The following CDH23 variants were observed in gnomAD, a reference collection of about 807,000 sequenced individuals.
CDH23 encodes cadherin related 23.
Under a neutral mutation model 317.1 loss-of-function variants are expected in CDH23, and 189 were observed. That is an observed-to-expected ratio of 0.60 (90% CI 0.53 to 0.67). CDH23 has a LOEUF of 0.67. CDH23 is among the 30% of genes least tolerant of loss of function. The probability of loss-of-function intolerance (pLI) is 0.00; values close to 1 mark genes in which losing one functional copy is unlikely to be tolerated. For missense variants in CDH23, 4,401 were observed against 4,592.4 expected (o/e 0.96, Z 1.20); for synonymous variants, 1,839 against 1,876.8 (o/e 0.98, Z 0.52).
chr10:71,611,242 G>T (rs1003080663), intron 9 of CDH23, among the ~76,000 whole-genome samples: 2 of 152,228 alleles, frequency 1.3e-5, no homozygotes, highest in African/African-American at 4.8e-5. Context: ...GCGAGGCAGG[G>T]ATGTGGAGTT....
At chr10:71,597,778 T>C (rs1859955827) in intron 9 of CDH23, among the ~76,000 whole-genome samples, 1 of 152,184 alleles carries the variant, frequency 6.6e-6, no homozygotes, top group South Asian at 2.1e-4. Context: ...AATTCATAAA[T>C]ATTTATCAGG....
At position 71,427,221 on chromosome 10, in the gene CDH23, GAA is replaced by G. The variant is rs1168119102; in HGVS notation, c.-5-12604_-5-12603del. On this transcript the variant is annotated intron_variant, in intron 1 of 69. Transcript: ENST00000224721. ...AGAAAGAAAGAAAGAAAGAAAGAAA[GAA>G]AGAAAGAAAGAAAGAAAGAAAGGGA... Among the ~76,000 whole-genome samples, 15 of 72,204 alleles carry G rather than the reference GAA, an allele frequency of 2.1e-4. 2 individuals carry two copies. Among genetic ancestry groups the G allele is most frequent in the Admixed American group, 5.3e-4 (4 of 7,512 alleles). The allele number at this position is 72,204 out of a possible 152,430, so 47.4% of individuals were successfully genotyped here.
At chr10:71,755,497 GC>G in intron 38 of CDH23, 2 of 1,578,090 alleles carry the variant, frequency 1.3e-6, no homozygotes. Flanking sequence ...CCAAGGTGAA[GC>G]CCCATTCCCA....
At position 71,803,344 on chromosome 10, in the gene CDH23, TGGA is replaced by T. The variant is rs1564802305; in HGVS notation, c.7799_7801del (p.Glu2600del). 1 of 1,597,858 alleles carries T rather than the reference TGGA, an allele frequency of 6.3e-7. No homozygotes were observed. The highest frequency in any genetic ancestry group is 8.5e-7 in the Non-Finnish European group (1 of 1,172,562). The stretch of plus-strand genomic sequence containing the variant: ...CTCTGGGGCACCACCATGCTCCTGG[TGGA>T]GGTCATCGACGTCAATGACAACCGC... On this transcript the variant is annotated inframe_deletion, in exon 55 of 70. Transcript: ENST00000224721.
At chr10:71,673,208 G>A (rs1864219453) in intron 14 of CDH23, among the ~76,000 whole-genome samples, 1 of 152,192 alleles carries the variant, frequency 6.6e-6, no homozygotes, top group Non-Finnish European at 1.5e-5. Context: ...AGCCCCACAG[G>A]TGCCTGCCCT....
chr10:71,499,457 G>T (rs1216321025), intron 3 of CDH23, among the ~76,000 whole-genome samples: 1 of 152,180 alleles, frequency 6.6e-6, no homozygotes, highest in African/African-American at 2.4e-5. Context: ...AGCTACTTGG[G>T]AGGCTGAGGC....
At chr10:71,802,218 G>A (rs1841575381) in intron 53 of CDH23, among the ~76,000 whole-genome samples, 1 of 152,244 alleles carries the variant, frequency 6.6e-6, no homozygotes, top group Non-Finnish European at 1.5e-5. Flanking sequence ...TGAGGCAGGA[G>A]AATCATTTGA....
intron 31 of CDH23, 72 bp from the exon 32 acceptor site, chr10:71,731,915 C>T: frequency 6.6e-7 from 1 of 1,513,688 alleles, no homozygotes; most frequent in East Asian, 2.4e-5. Flanking sequence ...ATGGGTGTGG[C>T]AGCTTGAGAA....
At chr10:71,734,072 T>A (rs900646170) in intron 32 of CDH23, among the ~76,000 whole-genome samples, 168 bp from the exon 33 acceptor site, 4 of 152,080 alleles carry the variant, frequency 2.6e-5, no homozygotes, top group Admixed American at 6.5e-5. Context: ...ATGGAAGAGG[T>A]GGCTTCCCAG....
At chr10:71,449,789 G>A (rs900207144) in intron 3 of CDH23, among the ~76,000 whole-genome samples, 2 of 152,274 alleles carry the variant, frequency 1.3e-5, no homozygotes, top group Non-Finnish European at 2.9e-5. Flanking sequence ...TCTTGCCTGC[G>A]TTCCAACAGG....
chr10:71,404,108 A>T (rs1345931969), intron 1 of CDH23, among the ~76,000 whole-genome samples: 3 of 152,332 alleles, frequency 2.0e-5, no homozygotes, highest in Admixed American at 1.3e-4. Flanking sequence ...ATAAATAAAT[A>T]AATAAATTCA....
At chr10:71,634,928 A>G (rs1400165858) in intron 11 of CDH23, among the ~76,000 whole-genome samples, 1 of 152,206 alleles carries the variant, frequency 6.6e-6, no homozygotes, top group African/African-American at 2.4e-5. Context: ...TTGTTTCAGG[A>G]AGTACCCTCT....
At chr10:71,463,543 G>A (rs560656298) in intron 3 of CDH23, among the ~76,000 whole-genome samples, 7 of 152,210 alleles carry the variant, frequency 4.6e-5, no homozygotes, top group Non-Finnish European at 1.0e-4. Flanking sequence ...TCCCCACAGC[G>A]CTGGGAGAGG....
At chr10:71,800,554 A>G in intron 52 of CDH23, 82 bp from the exon 53 acceptor site, 1 of 1,475,702 alleles carries the variant, frequency 6.8e-7, no homozygotes, top group Admixed American at 2.0e-5. Context: ...TCCAGAGCCC[A>G]TAACAGCATC....
In CDH23 at chr10:71,751,262, C is replaced by T. The variant is rs752104318; in HGVS notation, c.4845+9341C>T. Reference sequence around the variant, plus strand: ...CTGTCCCCCAGCTGGGCTAGATGACCTCAAAGTTTGGAGAGTCAGGGACAG... The same window carrying T: ...CTGTCCCCCAGCTGGGCTAGATGACTTCAAAGTTTGGAGAGTCAGGGACAG... On this transcript the variant is annotated intron_variant, in intron 38 of 69. Coordinates refer to ENST00000224721, the MANE Select transcript of CDH23 (RefSeq NM_022124.6). The surrounding 1 kb of genome is among the most constrained non-coding windows in gnomAD (Gnocchi z 4.9). 3 of 1,610,150 alleles carry T rather than the reference C, an allele frequency of 1.9e-6. No individual in the cohort carries two copies. Among genetic ancestry groups the T allele is most frequent in the Non-Finnish European group, 2.5e-6 (3 of 1,177,928 alleles).
rs773262846 is a variant in CDH23, at chr10:71,732,325, G to A, written c.4054G>A (p.Ala1352Thr). The A allele has an allele frequency of 9.4e-6, 15 of 1,592,508 alleles. No individual in the cohort carries two copies. The Middle Eastern group carries it at 5.0e-4, about 53-fold the overall frequency. The change falls in exon 32 of 70, where the codon GCC becomes ACC. Residue 1352 changes from alanine (A) to threonine (T), a missense_variant. Around this residue, in one of 3 missense-constraint regions of CDH23, gnomAD observed 3,068 missense variants for 3,203.3 expected, o/e 0.96. Transcript: ENST00000224721. ...CAACCAAATCACGTACCGCTTCAAC[G>A]CCTACACCAGCACCCAGGCCAAAGC... ...NLNQITYRFNAYTSTQAKALF... is the reference protein window; with the variant it reads ...NLNQITYRFNTYTSTQAKALF...
intron 38 of CDH23, 32 bp downstream of exon 38, chr10:71,741,953 G>C: frequency 2.0e-6 from 3 of 1,518,920 alleles, no homozygotes; most frequent in Non-Finnish European, 2.7e-6. Context: ...AGGGAGGAGC[G>C]GGTGGGCCAG....
At chr10:71,554,728 A>AT (rs66679909) in intron 6 of CDH23, among the ~76,000 whole-genome samples, 1,796 of 147,486 alleles carry the variant, frequency 0.012, 16 homozygotes, top group East Asian at 0.052. Context: ...AGTTGTGAGA[A>AT]TTTTTTTTTT....
rs1227014733 is a variant in CDH23, at chr10:71,712,932, G to GCCT, written c.3369+119_3369+120insCCT. The GCCT allele has an allele frequency of 8.1e-6, 10 of 1,232,362 alleles. No homozygotes were observed. In the African/African-American group the frequency reaches 1.3e-4, roughly 17 times the overall value. 76.3% of individuals were successfully genotyped at this position (1,232,362 alleles called of 1,614,324 possible). A position where few individuals can be genotyped will look rare whatever the true frequency, so the allele number is the denominator to read the frequency against. On this transcript the variant is annotated intron_variant, in intron 28 of 69. Coordinates refer to ENST00000224721, the MANE Select transcript of CDH23 (RefSeq NM_022124.6). ...GGAAGCAGGTGGGGGCCCAGGGTGGGTCCGCTGCTCTGGAAGGTGCTGTGG... is the reference window on the plus strand; with the variant it reads ...GGAAGCAGGTGGGGGCCCAGGGTGGGCCTTCCGCTGCTCTGGAAGGTGCTGTGG...
Sources: allele counts gnomAD v4.1 joint callset (sites outside exome capture counted in the v4.1 genomes callset), GRCh38; gene constraint gnomAD v4.1.1; regional missense constraint gnomAD v4.1.1; non-coding constraint Gnocchi (gnomAD v3.1); transcripts MANE v1.5; gene names NCBI Gene and HGNC (gene_info 2026-07-23, HGNC 2026-07-21).